ASTN2: variants seen among roughly 807,000 people sequenced by gnomAD.
ASTN2 encodes the protein astrotactin 2, also known as astrotactin-2.
A neutral mutation model predicts 139.8 loss-of-function variants in ASTN2; 54 were observed. The observed-to-expected ratio is 0.39, with a 90% CI of 0.31 to 0.48. The LOEUF (loss-of-function observed/expected upper bound fraction) is 0.48, where lower values mean the gene tolerates loss of function less well. ASTN2 is among the 20% of genes least tolerant of loss of function. The pLI, the probability that ASTN2 is intolerant of heterozygous loss-of-function variation, is 0.95. For synonymous variants in ASTN2, 756 were observed against 719.5 expected (o/e 1.05, Z -0.81); for missense variants, 1,565 against 1,725.1 (o/e 0.91, Z 1.64).
chr9:117,166,762 C>T (rs1319929871), intron 3 of ASTN2, among the ~76,000 whole-genome samples: 1 of 152,060 alleles, frequency 6.6e-6, no homozygotes, highest in Admixed American at 6.6e-5. Flanking sequence ...TCATAACATA[C>T]TCTTATTATT....
intron 16 of ASTN2, among the ~76,000 whole-genome samples, chr9:116,713,301 A>T (rs762056494): frequency 3.9e-5 from 6 of 152,154 alleles, no homozygotes; most frequent in Non-Finnish European, 5.9e-5. Flanking sequence ...GTAGGAGGGA[A>T]CAGCAAGGAA....
intron 6 of ASTN2, among the ~76,000 whole-genome samples, chr9:117,021,943 T>C (rs979481172): frequency 1.3e-5 from 2 of 152,184 alleles, no homozygotes; most frequent in African/African-American, 4.8e-5. Context: ...TAAAAGAAAA[T>C]GTTGCCTTGT....
At chr9:116,756,488 T>C (rs916470172) in intron 13 of ASTN2, among the ~76,000 whole-genome samples, 1 of 152,176 alleles carries the variant, frequency 6.6e-6, no homozygotes, top group Admixed American at 6.6e-5. Flanking sequence ...ATTTCTGTCA[T>C]TAATTGTTTG....
chr9:116,867,959 A>G (rs1245572032), intron 10 of ASTN2, among the ~76,000 whole-genome samples: 1 of 152,138 alleles, frequency 6.6e-6, no homozygotes, highest in Non-Finnish European at 1.5e-5. Flanking sequence ...TCACTTGCGG[A>G]GCCCAGGGTT....
At chr9:116,522,299 T>C (rs1050587321) in intron 19 of ASTN2, among the ~76,000 whole-genome samples, 37 of 151,954 alleles carry the variant, frequency 2.4e-4, no homozygotes, top group African/African-American at 8.2e-4. Flanking sequence ...ATAAAGAAAA[T>C]GTAGCATATA....
chr9:116,815,828 A>AAAAAAAG lies in ASTN2; in HGVS notation c.2207+4788_2207+4789insCTTTTTT, dbSNP rs1554750237. On this transcript the variant is annotated intron_variant, in intron 12 of 22. Coordinates refer to ENST00000313400, the MANE Select transcript of ASTN2 (RefSeq NM_001365068.1). ...TCAAAAAAAAAAAAAAAAAAAAAAA[A>AAAAAAAG]GTTGATGAAATGGCTCACTATCTCT... Among the ~76,000 whole-genome samples the AAAAAAAG allele has an allele frequency of 3.6e-3, 521 of 145,834 alleles. 7 individuals are homozygous for AAAAAAAG. Among genetic ancestry groups the AAAAAAAG allele is most frequent in the Non-Finnish European group, 6.0e-3 (397 of 66,014 alleles).
chr9:116,611,967 C>CTGA (rs1763834830), intron 19 of ASTN2: 1 of 152,044 alleles, frequency 6.6e-6, no homozygotes, highest in Non-Finnish European at 1.5e-5. Context: ...ATAAAACAAC[C>CTGA]TACACATTCC....
intron 19 of ASTN2, among the ~76,000 whole-genome samples, chr9:116,574,393 C>G (rs1193049536): frequency 3.3e-5 from 5 of 152,172 alleles, no homozygotes; most frequent in Non-Finnish European, 7.3e-5. Flanking sequence ...TACTCAAAGG[C>G]CAGTGCCAGG....
intron 13 of ASTN2, among the ~76,000 whole-genome samples, chr9:116,783,543 A>G (rs1246929709): frequency 6.6e-6 from 1 of 152,146 alleles, no homozygotes; most frequent in African/African-American, 2.4e-5. Context: ...ATTGTATATT[A>G]TTAATATATA....
intron 19 of ASTN2, among the ~76,000 whole-genome samples, chr9:116,618,063 G>A (rs531095768): frequency 5.9e-5 from 9 of 152,308 alleles, no homozygotes; most frequent in African/African-American, 2.2e-4. Context: ...ATTGTCTTCA[G>A]AATCAACTAG....
chr9:116,695,998 G>A (rs533301609), intron 16 of ASTN2, among the ~76,000 whole-genome samples: 1 of 151,946 alleles, frequency 6.6e-6, no homozygotes, highest in Non-Finnish European at 1.5e-5. Flanking sequence ...CTATACTTCT[G>A]GATATTGCTC....
chr9:117,047,698 G>A (rs1426323710), intron 5 of ASTN2, among the ~76,000 whole-genome samples: 2 of 151,952 alleles, frequency 1.3e-5, no homozygotes. Flanking sequence ...GTGGAAATTA[G>A]GTTGCCTTGA....
chr9:116,426,367 C>T (rs1847309494), intron 22 of ASTN2, among the ~76,000 whole-genome samples: 1 of 152,128 alleles, frequency 6.6e-6, no homozygotes, highest in Admixed American at 6.5e-5. Flanking sequence ...GGTGACCAGC[C>T]TTGGACTCTG....
At chr9:116,700,975 A>G (rs945047715) in intron 16 of ASTN2, 11 of 167,228 alleles carry the variant, frequency 6.6e-5, no homozygotes, top group African/African-American at 2.6e-4. Context: ...TAGAGTCACC[A>G]ATACCCTATT....
At chr9:117,290,668 G>A (rs899761604) in intron 2 of ASTN2, among the ~76,000 whole-genome samples, 1 of 152,228 alleles carries the variant, frequency 6.6e-6, no homozygotes, top group Non-Finnish European at 1.5e-5. Context: ...AAAACAGGGT[G>A]TACAGGACAT....
intron 6 of ASTN2, among the ~76,000 whole-genome samples, chr9:117,020,635 A>G (rs895761884): frequency 1.3e-5 from 2 of 152,088 alleles, no homozygotes; most frequent in African/African-American, 2.4e-5. Context: ...CCACTGATGC[A>G]TTTGAATTTA....
intron 13 of ASTN2, among the ~76,000 whole-genome samples, chr9:116,782,689 C>A (rs112478235): frequency 6.6e-6 from 1 of 152,142 alleles, no homozygotes; most frequent in African/African-American, 2.4e-5. Flanking sequence ...AATGAAGATC[C>A]GTGATGGCTA....
intron 10 of ASTN2, among the ~76,000 whole-genome samples, chr9:116,915,253 A>G (rs1834409680): frequency 6.6e-6 from 1 of 152,224 alleles, no homozygotes; most frequent in African/African-American, 2.4e-5. Flanking sequence ...TCTCATGGCC[A>G]TGGTCATGGA....
At chr9:116,837,582 C>T (rs1375148582) in intron 11 of ASTN2, among the ~76,000 whole-genome samples, 3 of 152,190 alleles carry the variant, frequency 2.0e-5, no homozygotes, top group East Asian at 1.9e-4. Flanking sequence ...TGTAATTATG[C>T]ATTTTAATGT....
Sources: allele counts gnomAD v4.1 joint callset (sites outside exome capture counted in the v4.1 genomes callset), GRCh38; gene constraint gnomAD v4.1.1; transcripts MANE v1.5; gene names NCBI Gene and HGNC (gene_info 2026-07-23, HGNC 2026-07-21).